SBF1: variants seen among roughly 807,000 people sequenced by gnomAD.
The protein encoded by SBF1 is myotubularin-related protein 5.
SBF1 carries 65 observed loss-of-function variants against 215.8 expected under a neutral mutation model. That is an observed-to-expected ratio of 0.30 (90% CI 0.25 to 0.37). The LOEUF (loss-of-function observed/expected upper bound fraction) is 0.37, where lower values mean the gene tolerates loss of function less well. Ranked by LOEUF, SBF1 falls within the 10% of genes least tolerant of loss-of-function variation. The probability of loss-of-function intolerance (pLI) is 1.00; values close to 1 mark genes in which losing one functional copy is unlikely to be tolerated. For missense variants in SBF1, 2,634 were observed against 2,667.8 expected (o/e 0.99, Z 0.28); for synonymous variants, 1,410 against 1,122.8 (o/e 1.26, Z -5.11).
At chr22:50,448,166 G>A (rs957162922) in intron 38 of SBF1, 67 bp downstream of exon 38, 26 of 1,490,042 alleles carry the variant, frequency 1.7e-5, no homozygotes, top group Non-Finnish European at 1.9e-5. Flanking sequence ...TCCCACCAGA[G>A]GACTGCCTGG....
Position 50,460,727 on chromosome 22 carries a change from G to A in SBF1, c.2968-15C>T, listed in dbSNP as rs377199812. 69 of 1,611,066 alleles carry A rather than the reference G, an allele frequency of 4.3e-5. No individual in the cohort carries two copies. In the African/African-American group the frequency reaches 7.6e-4, roughly 18 times the overall value. ...ATTTTCAGCAGCTGTGTCAGTAAAAGCAGCCCTTAGGGGTGTGGGTGGCCC... is the reference window on the plus strand; with the variant it reads ...ATTTTCAGCAGCTGTGTCAGTAAAAACAGCCCTTAGGGGTGTGGGTGGCCC... On this transcript the variant is annotated splice_polypyrimidine_tract_variant and intron_variant, in intron 23 of 40. Transcript: ENST00000380817.
chr22:50,467,123 G>A (rs2067799960), intron 5 of SBF1: 3 of 598,614 alleles, frequency 5.0e-6, no homozygotes, highest in Non-Finnish European at 8.9e-6. Flanking sequence ...CATCAAAGGA[G>A]TGGACAGAGA....
In SBF1 at chr22:50,446,356, T is replaced by TTCCCCC. The variant is rs2066808396; in HGVS notation, c.*785_*786insGGGGGA. On this transcript the variant is annotated 3_prime_UTR_variant, in exon 41 of 41. Coordinates refer to ENST00000380817, the MANE Select transcript of SBF1 (RefSeq NM_002972.4). The stretch of plus-strand genomic sequence containing the variant: ...CCTGCATTCCCCTGGGAGCCCACTG[T>TTCCCCC]CCCCCCCCCCCCCCCGCCTCCGGCC... 5.7e-5 allele frequency: 2 copies of TTCCCCC among 35,038 alleles called. No individual in the cohort carries two copies. Among genetic ancestry groups the TTCCCCC allele is most frequent in the African/African-American group, 2.6e-4 (2 of 7,650 alleles). 2.2% of individuals were successfully genotyped at this position (35,038 alleles called of 1,614,324 possible). A position where few individuals can be genotyped will look rare whatever the true frequency, so the allele number is the denominator to read the frequency against.
In SBF1 at chr22:50,466,261, G is replaced by A; in HGVS notation, c.789-3C>T. The A allele has an allele frequency of 1.2e-6, 2 of 1,613,514 alleles. No individual in the cohort carries two copies. The highest frequency in any genetic ancestry group is 1.7e-6 in the Non-Finnish European group (2 of 1,180,000). On this transcript the variant is annotated splice_polypyrimidine_tract_variant and splice_region_variant and intron_variant, in intron 7 of 40. Transcript: ENST00000380817. ...GCAGGATGGGCACATAGGTGAAGCTGTGCAGGCCCCAGAGGATGCAGTGAG... is the reference window on the plus strand; with the variant it reads ...GCAGGATGGGCACATAGGTGAAGCTATGCAGGCCCCAGAGGATGCAGTGAG...
At position 50,455,139 on chromosome 22, in the gene SBF1, G is replaced by T. The variant is rs1398496954; in HGVS notation, c.4558C>A (p.His1520Asn). 1 of 1,613,940 alleles carries T rather than the reference G, an allele frequency of 6.2e-7. No individual in the cohort carries two copies. Among genetic ancestry groups the T allele is most frequent in the East Asian group, 2.2e-5 (1 of 44,884 alleles). The part of the protein sequence containing the change: ...LQFLDCVHQV[H>N]LQFPMEFEFS... ...TCAAACTCCATGGGGAACTGCAGGT[G>T]GACCTGCACGCCATGTGGGTCAGGG... Residue 1520 changes from histidine (H) to asparagine (N), a missense_variant, in exon 34 of 41, where the codon CAC (histidine) becomes AAC (asparagine). Physicochemically the swap from His to Asn is moderately conservative, Grantham distance 68. Transcript: ENST00000380817.
In SBF1 at chr22:50,466,488, G is replaced by A. The variant is rs1335962200; in HGVS notation, c.656-6C>T. ...AGACAGCACGTTGGTGATGCCTAAAGGAAGAAGAGAAGCTTGGAGAGGACC... is the reference window on the plus strand; with the variant it reads ...AGACAGCACGTTGGTGATGCCTAAAAGAAGAAGAGAAGCTTGGAGAGGACC... On this transcript the variant is annotated splice_polypyrimidine_tract_variant and splice_region_variant and intron_variant, in intron 6 of 40. Transcript: ENST00000380817. 9.1e-6 allele frequency: 14 copies of A among 1,541,532 alleles called. No individual in the cohort carries two copies. The highest frequency in any genetic ancestry group is 6.0e-5 in the Admixed American group (3 of 50,348).
In SBF1 at chr22:50,462,930, A is replaced by G; in HGVS notation, c.1908T>C (p.Thr636=). Residue 636 remains threonine, a synonymous_variant, in exon 17 of 41, where the codon ACT becomes ACC. Coordinates refer to ENST00000380817, the MANE Select transcript of SBF1 (RefSeq NM_002972.4). ...RMMNCCLQDC[T]SLDEHGIAAA... is the part of the protein sequence containing the mutation. ...CCGCAATGCCATGCTCGTCCAGAGA[A>G]GTGCAGTCCTGCAGGTAGAGCGAGA... 6.2e-7 allele frequency: 1 copy of G among 1,612,962 alleles called. No homozygotes were observed. The highest frequency in any genetic ancestry group is 8.5e-7 in the Non-Finnish European group (1 of 1,179,826).
chr22:50,466,183 G>T lies in SBF1; in HGVS notation c.864C>A (p.Val288=), dbSNP rs373166976. 108 of 1,613,400 alleles carry T rather than the reference G, an allele frequency of 6.7e-5. No individual in the cohort carries two copies. The highest frequency in any genetic ancestry group is 8.8e-5 in the Non-Finnish European group (104 of 1,180,050). Residue 288 remains valine (V), a synonymous_variant, in exon 8 of 41, where the codon GTC becomes GTA. Transcript: ENST00000380817. ...LSTPTPFIIG[V]NAAFQAETQE... is the part of the protein sequence containing the mutation. ...GGGTCTCTGCCTGGAAGGCCGCGTT[G>T]ACCCCAATGATGAAGGGCGTGGGTG...
intron 36 of SBF1, 116 bp downstream of exon 36, chr22:50,454,396 C>G: frequency 1.1e-6 from 1 of 944,606 alleles, no homozygotes; most frequent in East Asian, 2.5e-5. Context: ...CACACCAACC[C>G]CCAGGGGTAA....
Position 50,447,316 on chromosome 22 carries a change from G to A in SBF1, c.5583+6C>T. ...TCCCCTCTCCCAAGCCCCGGCCAAG[G>A]CTCACGTCAAAGAAGGCCTTCTCGT... is the stretch of plus-strand genomic sequence containing the variant. On this transcript the variant is annotated splice_donor_region_variant and intron_variant, in intron 40 of 40. Coordinates refer to ENST00000380817, the MANE Select transcript of SBF1 (RefSeq NM_002972.4). 6.2e-7 allele frequency: 1 copy of A among 1,613,784 alleles called. No individual in the cohort carries two copies. Among genetic ancestry groups the A allele is most frequent in the South Asian group, 1.1e-5 (1 of 91,076 alleles).
At chr22:50,461,488 AG>A (rs757301441) in intron 22 of SBF1, 34 bp downstream of exon 22, 1 of 1,556,402 alleles carries the variant, frequency 6.4e-7, no homozygotes, top group South Asian at 1.2e-5. Context: ...CCTGGGGGAG[AG>A]GGGGCGACAG....
At position 50,465,296 on chromosome 22, in the gene SBF1, C is replaced by A; in HGVS notation, c.1122G>T (p.Leu374=). The A allele has an allele frequency of 1.2e-6, 2 of 1,606,358 alleles. No individual in the cohort carries two copies. The highest frequency in any genetic ancestry group is 8.5e-7 in the Non-Finnish European group (1 of 1,177,302). The change falls in exon 11 of 41, where the codon CTG becomes CTT. Residue 374 remains leucine (L), a synonymous_variant. Coordinates refer to ENST00000380817, the MANE Select transcript of SBF1 (RefSeq NM_002972.4). ...DKELRAVFLR[L]FAQLLQGYRW... is the part of the protein sequence containing the mutation. ...GATAGCCCTGCAGCAGCTGAGCGAA[C>A]AGCCGCAGGAAGACCGCGCGCAGCT...
Position 50,465,851 on chromosome 22 carries a change from A to G in SBF1, c.1012-11T>C. The stretch of plus-strand genomic sequence containing the variant: ...CTCCGGGTCCAGGACCTGCCAGCAC[A>G]GAATGGAGCAGGCAGCTGCACGCTG... On this transcript the variant is annotated splice_polypyrimidine_tract_variant and intron_variant, in intron 9 of 40. Coordinates refer to ENST00000380817, the MANE Select transcript of SBF1 (RefSeq NM_002972.4). 6.2e-7 allele frequency: 1 copy of G among 1,613,100 alleles called. No individual in the cohort carries two copies. Among genetic ancestry groups the G allele is most frequent in the Non-Finnish European group, 8.5e-7 (1 of 1,179,658 alleles).
At position 50,459,975 on chromosome 22, in the gene SBF1, G is replaced by A. The variant is rs766807592; in HGVS notation, c.3468C>T (p.Asn1156=). The change falls in exon 26 of 41, where the codon AAC becomes AAT. Residue 1156 remains asparagine, a synonymous_variant. Transcript: ENST00000380817. ...ACCTGCGGCAGATGGCATACATGCG[G>A]TTGACCGGAGAAATGCGGAAGGGCT... ...KSEPFRISPV[N]RMYAICRSYP... is the part of the protein sequence containing the mutation. 3.7e-6 allele frequency: 6 copies of A among 1,613,870 alleles called. No homozygotes were observed. The highest frequency in any genetic ancestry group is 5.1e-6 in the Non-Finnish European group (6 of 1,179,952).
intron 1 of SBF1, among the ~76,000 whole-genome samples, chr22:50,471,505 C>T (rs916204007): frequency 3.3e-5 from 5 of 152,194 alleles, no homozygotes; most frequent in African/African-American, 9.7e-5. Context: ...CCACAGTGCA[C>T]GAAGACCAGC....
chr22:50,466,953 G>T, intron 5 of SBF1: 1 of 557,930 alleles, frequency 1.8e-6, no homozygotes, highest in Non-Finnish European at 3.2e-6. Flanking sequence ...GGCCTAGGTG[G>T]GCGGAAGAAA....
At chr22:50,459,887 A>T in intron 26 of SBF1, 65 bp downstream of exon 26, 1 of 1,560,550 alleles carries the variant, frequency 6.4e-7, no homozygotes, top group Non-Finnish European at 8.8e-7. Flanking sequence ...GCCCAGGCCC[A>T]CAGCGGGCAG....
At chr22:50,463,014 C>G in intron 16 of SBF1, 76 bp from the exon 17 acceptor site, 2 of 1,405,558 alleles carry the variant, frequency 1.4e-6, no homozygotes, top group Non-Finnish European at 2.0e-6. Context: ...CCCCCACCAC[C>G]CCATAACCAC....
Position 50,465,148 on chromosome 22 carries a change from T to C in SBF1, c.1204-19A>G, listed in dbSNP as rs1240126726. 1 of 1,613,454 alleles carries C rather than the reference T, an allele frequency of 6.2e-7. No homozygotes were observed. The highest frequency in any genetic ancestry group is 8.5e-7 in the Non-Finnish European group (1 of 1,179,886). ...AGGCTGCCTGGATGACAGAAGGAGG[T>C]CGGTCCCTCAGGGGTCTCCACCATG... On this transcript the variant is annotated intron_variant, in intron 11 of 40. Transcript: ENST00000380817.
Sources: allele counts gnomAD v4.1 joint callset (sites outside exome capture counted in the v4.1 genomes callset), GRCh38; gene constraint gnomAD v4.1.1; transcripts MANE v1.5; gene names NCBI Gene and HGNC (gene_info 2026-07-23, HGNC 2026-07-21).